C8orf34: variants seen among roughly 807,000 people sequenced by gnomAD.
C8orf34 encodes uncharacterized protein C8orf34.
Under a neutral mutation model 68.3 loss-of-function variants are expected in C8orf34, and 65 were observed. The ratio of observed to expected loss-of-function variants is 0.95; its 90% CI spans 0.78 to 1.17. The LOEUF (loss-of-function observed/expected upper bound fraction) is 1.17, where lower values mean the gene tolerates loss of function less well. Ranked by LOEUF, C8orf34 falls within the 50% of genes most tolerant of loss-of-function variation. The pLI is 0.00. For synonymous variants in C8orf34, 244 were observed against 241.2 expected (o/e 1.01, Z -0.11); for missense variants, 664 against 655.4 (o/e 1.01, Z -0.14).
intron 7 of C8orf34, among the ~76,000 whole-genome samples, chr8:68,541,378 A>G (rs1484811160): frequency 1.3e-5 from 2 of 151,958 alleles, no homozygotes; most frequent in African/African-American, 2.4e-5. Flanking sequence ...AGGGGAGAGG[A>G]TCACTTGAGC....
intron 5 of C8orf34, among the ~76,000 whole-genome samples, chr8:68,497,229 A>T (rs1213320246): frequency 6.6e-6 from 1 of 152,224 alleles, no homozygotes; most frequent in Non-Finnish European, 1.5e-5. Flanking sequence ...TGAGCCATAT[A>T]AGGAGGTTGT....
At chr8:68,604,569 T>C (rs1236730183) in intron 7 of C8orf34, among the ~76,000 whole-genome samples, 1 of 152,112 alleles carries the variant, frequency 6.6e-6, no homozygotes, top group Non-Finnish European at 1.5e-5. Flanking sequence ...AATCAACTGA[T>C]CTTTGACAAA....
chr8:68,681,156 C>A (rs905914383), intron 8 of C8orf34, among the ~76,000 whole-genome samples: 1 of 152,048 alleles, frequency 6.6e-6, no homozygotes, highest in Non-Finnish European at 1.5e-5. Flanking sequence ...TTTCAAGGTG[C>A]AATGATTTCA....
intron 11 of C8orf34, among the ~76,000 whole-genome samples, chr8:68,778,077 T>C (rs1823572844): frequency 6.6e-6 from 1 of 152,220 alleles, no homozygotes; most frequent in Non-Finnish European, 1.5e-5. Context: ...TATTAACTTA[T>C]GACTAGTTGG....
intron 7 of C8orf34, among the ~76,000 whole-genome samples, chr8:68,553,791 A>C (rs1337055704): frequency 2.0e-5 from 3 of 152,116 alleles, no homozygotes; most frequent in Non-Finnish European, 4.4e-5. Flanking sequence ...TATTTCAAAG[A>C]ACTAACTTTT....
At chr8:68,757,570 G>A (rs1471378187) in intron 10 of C8orf34, among the ~76,000 whole-genome samples, 1 of 152,052 alleles carries the variant, frequency 6.6e-6, no homozygotes, top group Admixed American at 6.5e-5. Context: ...GCAGTGAGCC[G>A]AGATCACGCC....
intron 8 of C8orf34, among the ~76,000 whole-genome samples, chr8:68,649,192 G>T (rs1819270376): frequency 6.6e-6 from 1 of 152,148 alleles, no homozygotes; most frequent in African/African-American, 2.4e-5. Context: ...AGGTGTAAAA[G>T]ATTCCATTTG....
rs559204350 is a variant in C8orf34 at position 68,418,601 on chromosome 8, C to A, written c.328-20898C>A. On this transcript the variant is annotated intron_variant, in intron 1 of 13. Transcript: ENST00000518698. ...TGTTTATATGCTGGATTACAGTAAC[C>A]AAAACAGCATGGTACTGGTACCAAA... Among the ~76,000 whole-genome samples, 6 of 152,088 alleles carry A rather than the reference C, an allele frequency of 3.9e-5. No homozygotes were observed. In the East Asian group the frequency reaches 1.2e-3, roughly 29 times the overall value.
intron 1 of C8orf34, among the ~76,000 whole-genome samples, chr8:68,413,592 C>A (rs972398414): frequency 6.6e-6 from 1 of 152,182 alleles, no homozygotes; most frequent in Admixed American, 6.5e-5. Flanking sequence ...CTCATTGTCC[C>A]ATGCTATGGT....
At chr8:68,561,781 A>T (rs190788503) in intron 7 of C8orf34, among the ~76,000 whole-genome samples, 4 of 152,128 alleles carry the variant, frequency 2.6e-5, no homozygotes, top group Admixed American at 1.3e-4. Flanking sequence ...AAGAAACCAA[A>T]ACCAAAAAAA....
chr8:68,719,880 A>G (rs1821620020), intron 9 of C8orf34, among the ~76,000 whole-genome samples: 1 of 151,986 alleles, frequency 6.6e-6, no homozygotes, highest in African/African-American at 2.4e-5. Context: ...CAAGAAACAT[A>G]CTGAGTGAAT....
chr8:68,741,636 C>T (rs1476542219), intron 10 of C8orf34, among the ~76,000 whole-genome samples: 1 of 152,146 alleles, frequency 6.6e-6, no homozygotes, highest in Admixed American at 6.5e-5. Context: ...CTTTCCTAGC[C>T]TCTGGCAACC....
chr8:68,776,425 C>T lies in C8orf34; in HGVS notation c.1431C>T (p.His477=). ...GAGAAGCCTCCAGTGGAGTAGGACACTCACTGAAAAACTACATGGAAGAAG... is the reference window on the plus strand; with the variant it reads ...GAGAAGCCTCCAGTGGAGTAGGACATTCACTGAAAAACTACATGGAAGAAG... ...GPGEASSGVG[H]SLKNYMEEDE... The change falls in exon 11 of 14, where the codon CAC becomes CAT. Residue 477 remains histidine (H), a synonymous_variant. Coordinates refer to ENST00000518698, the MANE Select transcript of C8orf34 (RefSeq NM_052958.4). 1.2e-6 allele frequency: 2 copies of T among 1,613,298 alleles called. No individual in the cohort carries two copies. The highest frequency in any genetic ancestry group is 2.2e-5 in the South Asian group (2 of 91,024).
At position 68,479,363 on chromosome 8, in the gene C8orf34, T is replaced by A. The variant is rs1586225227; in HGVS notation, c.737-8660T>A. On this transcript the variant is annotated intron_variant, in intron 4 of 13. Transcript: ENST00000518698. ...TTTCATCATTTTGGTCTGATTTCCT[T>A]TAGTTTCTTCTGTGCATGTATCAGA... Among the ~76,000 whole-genome samples the A allele has an allele frequency of 2.0e-5, 3 of 151,798 alleles. 1 individual carries two copies. Among genetic ancestry groups the A allele is most frequent in the Admixed American group, 2.0e-4 (3 of 15,198 alleles).
intron 1 of C8orf34, among the ~76,000 whole-genome samples, chr8:68,331,786 T>TTTC: frequency 2.2e-5 from 1 of 46,464 alleles, no homozygotes; most frequent in East Asian, 4.8e-4. Context: ...TTTCCTTCTT[T>TTTC]TTTTTTTTTT....
rs1463156601 is a variant in C8orf34, at chr8:68,818,295, A to G, written c.*49A>G. 3 of 1,586,236 alleles carry G rather than the reference A, an allele frequency of 1.9e-6. No homozygotes were observed. Among genetic ancestry groups the G allele is most frequent in the Non-Finnish European group, 2.6e-6 (3 of 1,156,104 alleles). On this transcript the variant is annotated 3_prime_UTR_variant, in exon 14 of 14. Transcript: ENST00000518698. ...GGTCCTTAAAGAAATGCAGTTATTC[A>G]AATCCTTATGTATAGTTCTAATTTT... is the stretch of plus-strand genomic sequence containing the variant.
At chr8:68,563,460 C>T (rs1392557351) in intron 7 of C8orf34, among the ~76,000 whole-genome samples, 1 of 152,020 alleles carries the variant, frequency 6.6e-6, no homozygotes, top group African/African-American at 2.4e-5. Context: ...GTGGCCTTAA[C>T]AAAAGCCAGT....
intron 10 of C8orf34, among the ~76,000 whole-genome samples, chr8:68,766,979 T>C (rs1367213206): frequency 6.6e-6 from 1 of 152,044 alleles, no homozygotes. Flanking sequence ...AGGTCGGGAG[T>C]TCGAGACCAG....
At chr8:68,642,747 CTG>C (rs1314509135) in intron 8 of C8orf34, among the ~76,000 whole-genome samples, 1 of 152,200 alleles carries the variant, frequency 6.6e-6, no homozygotes, top group Non-Finnish European at 1.5e-5. Flanking sequence ...TCCTCCAAGG[CTG>C]TGTGTTAGAT....
Sources: gnomAD v4.1 joint callset for allele counts (sites outside exome capture counted in the v4.1 genomes callset) on GRCh38, gnomAD v4.1.1 for gene constraint, MANE v1.5 for transcripts, NCBI Gene and HGNC (gene_info 2026-07-23, HGNC 2026-07-21) for gene names.